RIMS2: variants seen among roughly 807,000 people sequenced by gnomAD.
RIMS2 encodes regulating synaptic membrane exocytosis 2, also known as regulating synaptic membrane exocytosis protein 2.
RIMS2 carries 59 observed loss-of-function variants against 174.4 expected under a neutral mutation model. The observed-to-expected ratio is 0.34, with a 90% CI of 0.27 to 0.42. The LOEUF is 0.42. Among genes scored for constraint, RIMS2 ranks in the 10% least tolerant of loss-of-function variants. The probability of loss-of-function intolerance (pLI) is 1.00; values close to 1 mark genes in which losing one functional copy is unlikely to be tolerated. For missense variants in RIMS2, 1,620 were observed against 1,666.3 expected (o/e 0.97, Z 0.48); for synonymous variants, 606 against 572.5 (o/e 1.06, Z -0.84).
intron 3 of RIMS2, among the ~76,000 whole-genome samples, chr8:103,862,007 A>G (rs1049545182): frequency 2.1e-4 from 32 of 151,398 alleles, no homozygotes; most frequent in African/African-American, 7.7e-4. Context: ...ATTTTTCATT[A>G]TGTTGTATTT....
intron 15 of RIMS2, 28 bp downstream of exon 17, chr8:103,961,161 A>G: frequency 1.0e-6 from 1 of 960,752 alleles, no homozygotes; most frequent in Non-Finnish European, 1.7e-6. Context: ...ATTTTATAGT[A>G]TTAAAAAGGG....
At chr8:104,114,693 A>G (rs1317165416) in intron 19 of RIMS2, among the ~76,000 whole-genome samples, 1 of 151,520 alleles carries the variant, frequency 6.6e-6, no homozygotes, top group East Asian at 2.0e-4. Context: ...AAAATCTGGC[A>G]ATTGCCTTTT....
intron 1 of RIMS2, among the ~76,000 whole-genome samples, chr8:103,633,644 G>A (rs1487216079): frequency 6.6e-6 from 1 of 152,062 alleles, no homozygotes; most frequent in Non-Finnish European, 1.5e-5. Context: ...GAATTTCACT[G>A]TGAATCCATC....
At chr8:104,255,189 A>G (rs529008975), downstream of RIMS2, 2 of 152,040 alleles carry the variant, frequency 1.3e-5, no homozygotes, top group African/African-American at 4.8e-5. Context: ...TCTGTCCCAT[A>G]TATTTTTCCT....
intron 1 of RIMS2, among the ~76,000 whole-genome samples, chr8:103,523,611 G>A (rs945466439): frequency 5.9e-5 from 9 of 152,210 alleles, no homozygotes; most frequent in African/African-American, 1.9e-4. Flanking sequence ...TGAGGGGTAT[G>A]GTGTTGGGGG....
intron 2 of RIMS2, among the ~76,000 whole-genome samples, chr8:103,717,786 A>G (rs1053312405): frequency 1.3e-5 from 2 of 152,172 alleles, no homozygotes; most frequent in African/African-American, 4.8e-5. Context: ...TTATAATACT[A>G]TGCATCACTG....
intron 1 of RIMS2, among the ~76,000 whole-genome samples, chr8:103,620,898 GAGA>G (rs1237878152): frequency 6.6e-6 from 1 of 152,088 alleles, no homozygotes; most frequent in African/African-American, 2.4e-5. Flanking sequence ...TATCCTAAGG[GAGA>G]AGAATAGGTG....
At chr8:104,155,249 G>A (rs532154430) in intron 19 of RIMS2, among the ~76,000 whole-genome samples, 8 of 151,532 alleles carry the variant, frequency 5.3e-5, no homozygotes, top group Non-Finnish European at 1.0e-4. Context: ...TGGGACTACA[G>A]GCGCCCGCCA....
At chr8:103,550,114 C>A (rs1284916139) in intron 1 of RIMS2, among the ~76,000 whole-genome samples, 1 of 152,200 alleles carries the variant, frequency 6.6e-6, no homozygotes, top group Non-Finnish European at 1.5e-5. Context: ...ACCTAATAGA[C>A]ATCTACAGCA....
At chr8:103,592,096 G>A (rs2094290442) in intron 1 of RIMS2, among the ~76,000 whole-genome samples, 1 of 151,122 alleles carries the variant, frequency 6.6e-6, no homozygotes, top group African/African-American at 2.4e-5. Flanking sequence ...GCCCTTTGAT[G>A]TCATGGGAGC....
intron 20 of RIMS2, among the ~76,000 whole-genome samples, chr8:104,245,266 A>C (rs1255202970): frequency 1.3e-5 from 2 of 152,220 alleles, no homozygotes; most frequent in Non-Finnish European, 2.9e-5. Context: ...TTTGGGGATA[A>C]AGTGTTTTGC....
At chr8:103,680,888 A>T (rs2096871617) in intron 1 of RIMS2, among the ~76,000 whole-genome samples, 1 of 152,046 alleles carries the variant, frequency 6.6e-6, no homozygotes, top group South Asian at 2.1e-4. Flanking sequence ...TTGCAGGTGT[A>T]CTAACAGGGT....
At chr8:103,537,440 G>A (rs1209067057) in intron 1 of RIMS2, among the ~76,000 whole-genome samples, 1 of 152,174 alleles carries the variant, frequency 6.6e-6, no homozygotes, top group Non-Finnish European at 1.5e-5. Context: ...GGATATGACA[G>A]TTTTAGTAAG....
chr8:103,756,679 C>A (rs1284998938), intron 2 of RIMS2, among the ~76,000 whole-genome samples: 1 of 152,046 alleles, frequency 6.6e-6, no homozygotes, highest in African/African-American at 2.4e-5. Flanking sequence ...GCCCACTCAG[C>A]CTTCCAAAGT....
At chr8:104,202,672 T>A (rs149220225) in intron 19 of RIMS2, among the ~76,000 whole-genome samples, 1 of 152,360 alleles carries the variant, frequency 6.6e-6, no homozygotes, top group East Asian at 1.9e-4. Flanking sequence ...AGTCCATCTC[T>A]GCTGTCTCTT....
intron 3 of RIMS2, among the ~76,000 whole-genome samples, chr8:103,769,438 C>T (rs1347605732): frequency 6.6e-6 from 1 of 152,162 alleles, no homozygotes; most frequent in African/African-American, 2.4e-5. Context: ...ATTCTCCTGC[C>T]TCAGCCTCCC....
intron 2 of RIMS2, among the ~76,000 whole-genome samples, chr8:103,736,198 C>T (rs2097683401): frequency 6.6e-6 from 1 of 152,256 alleles, no homozygotes; most frequent in South Asian, 2.1e-4. Context: ...TGAGTCAAAA[C>T]TCAAGTCAAA....
At chr8:103,914,268 A>G (rs192426463) in intron 6 of RIMS2, among the ~76,000 whole-genome samples, 2 of 152,298 alleles carry the variant, frequency 1.3e-5, no homozygotes, top group East Asian at 1.9e-4. Context: ...AGATATGCCT[A>G]TTATAGTGTT....
intron 1 of RIMS2, among the ~76,000 whole-genome samples, chr8:103,567,549 C>G (rs1006941128): frequency 3.9e-5 from 6 of 152,064 alleles, no homozygotes; most frequent in Admixed American, 3.9e-4. Flanking sequence ...ATGAATATGC[C>G]ACATATATGT....
Sources: allele counts gnomAD v4.1 joint callset (sites outside exome capture counted in the v4.1 genomes callset), GRCh38; gene constraint gnomAD v4.1.1; transcripts MANE v1.5; gene names NCBI Gene and HGNC (gene_info 2026-07-23, HGNC 2026-07-21).